Variants in IQCM observed in about 807,000 individuals in gnomAD.
IQCM encodes IQ motif containing M, also known as IQ domain-containing protein M.
A neutral mutation model predicts 57.6 loss-of-function variants in IQCM; 45 were observed. The ratio of observed to expected loss-of-function variants is 0.78; its 90% CI spans 0.62 to 1.00. The LOEUF is 1.00. Ranked by LOEUF, IQCM falls within the 50% of genes least tolerant of loss-of-function variation. IQCM has a pLI of 0.00. For synonymous variants in IQCM, 148 were observed against 158.9 expected (o/e 0.93, Z 0.51); for missense variants, 468 against 511.6 (o/e 0.91, Z 0.82).
At position 149,563,850 on chromosome 4, in the gene IQCM, T is replaced by C; in HGVS notation, c.790A>G (p.Lys264Glu). ...TPNKTDKLDS[K>E]VKRIGPHIEI... ...ATGTGTGGTCCAATTCTTTTAACTTTACTGTCAAGTTTATCAGTTTTATTT... is the reference window on the plus strand; with the variant it reads ...ATGTGTGGTCCAATTCTTTTAACTTCACTGTCAAGTTTATCAGTTTTATTT... The change falls in exon 10 of 14, where the codon AAA (lysine) becomes GAA (glutamate). Residue 264 changes from lysine to glutamate, a missense_variant. Transcript: ENST00000636793. The C allele has an allele frequency of 8.1e-7, 1 of 1,231,706 alleles. No individual in the cohort carries two copies. The highest frequency in any genetic ancestry group is 1.0e-6 in the Non-Finnish European group (1 of 987,586). 76.3% of individuals were successfully genotyped at this position (1,231,706 alleles called of 1,614,324 possible). A position where few individuals can be genotyped will look rare whatever the true frequency, so the allele number is the denominator to read the frequency against.
intron 8 of IQCM, among the ~76,000 whole-genome samples, chr4:149,601,481 G>T (rs1014307017): frequency 1.3e-5 from 2 of 152,074 alleles, no homozygotes; most frequent in African/African-American, 2.4e-5. Context: ...GTATATTTTT[G>T]ATCTGCATTT....
At chr4:149,540,100 A>G (rs1441480088) in intron 12 of IQCM, among the ~76,000 whole-genome samples, 1 of 151,872 alleles carries the variant, frequency 6.6e-6, no homozygotes, top group African/African-American at 2.4e-5. Context: ...TCAACACGAC[A>G]GGAGTCCCTA....
chr4:149,575,497 T>A (rs1008851874), intron 9 of IQCM, among the ~76,000 whole-genome samples: 1 of 151,826 alleles, frequency 6.6e-6, no homozygotes, highest in Non-Finnish European at 1.5e-5. Context: ...GTCACTTTAA[T>A]TCAGGCAAAT....
chr4:149,593,766 C>T (rs1025423971), intron 8 of IQCM, among the ~76,000 whole-genome samples: 4 of 151,926 alleles, frequency 2.6e-5, no homozygotes, highest in African/African-American at 9.7e-5. Flanking sequence ...TGTTTATTGA[C>T]TTGCATATGT....
intron 7 of IQCM, among the ~76,000 whole-genome samples, chr4:149,665,351 C>T (rs914886778): frequency 6.6e-6 from 1 of 152,162 alleles, no homozygotes; most frequent in African/African-American, 2.4e-5. Flanking sequence ...ATGAGGACCA[C>T]TGAGTGGTCT....
chr4:149,476,660 G>A (rs1198805748), intron 12 of IQCM, among the ~76,000 whole-genome samples: 1 of 152,098 alleles, frequency 6.6e-6, no homozygotes, highest in Non-Finnish European at 1.5e-5. Flanking sequence ...CAACCGAAAG[G>A]TAGAGGAGGC....
At chr4:149,810,486 G>A (rs1055594334) in intron 2 of IQCM, among the ~76,000 whole-genome samples, 1 of 151,242 alleles carries the variant, frequency 6.6e-6, no homozygotes, top group African/African-American at 2.4e-5. Flanking sequence ...GTCTTGCTCT[G>A]TCACCCAGGC....
chr4:149,674,901 T>C (rs1426616356), intron 7 of IQCM, among the ~76,000 whole-genome samples: 1 of 152,020 alleles, frequency 6.6e-6, no homozygotes, highest in African/African-American at 2.4e-5. Context: ...CTGGGCCTAC[T>C]GTAACCACCG....
intron 7 of IQCM, among the ~76,000 whole-genome samples, chr4:149,634,338 A>T (rs943929278): frequency 6.6e-6 from 1 of 152,194 alleles, no homozygotes; most frequent in Non-Finnish European, 1.5e-5. Flanking sequence ...CTGATATGCT[A>T]ACATGAATGA....
At chr4:149,585,803 C>G (rs1752597233) in intron 9 of IQCM, among the ~76,000 whole-genome samples, 1 of 151,676 alleles carries the variant, frequency 6.6e-6, no homozygotes, top group Admixed American at 6.6e-5. Flanking sequence ...CTGTTTTTTA[C>G]TTTCAGGACC....
At chr4:149,474,130 A>T (rs1404140250) in intron 12 of IQCM, among the ~76,000 whole-genome samples, 2 of 152,100 alleles carry the variant, frequency 1.3e-5, no homozygotes, top group African/African-American at 4.8e-5. Context: ...ATAATAATAA[A>T]AATAAATAAA....
intron 2 of IQCM, among the ~76,000 whole-genome samples, chr4:149,811,073 A>C (rs1236361880): frequency 6.6e-6 from 1 of 152,180 alleles, no homozygotes; most frequent in Non-Finnish European, 1.5e-5. Context: ...CAAGCCTAAA[A>C]ATTTCTAAAA....
At chr4:149,472,244 C>T (rs888375808) in intron 12 of IQCM, among the ~76,000 whole-genome samples, 8 of 152,144 alleles carry the variant, frequency 5.3e-5, no homozygotes, top group African/African-American at 1.9e-4. Context: ...CCCAAAATCT[C>T]CTTAAGCTGA....
intron 12 of IQCM, among the ~76,000 whole-genome samples, chr4:149,526,577 G>A (rs1746184671): frequency 6.6e-6 from 1 of 151,864 alleles, no homozygotes; most frequent in African/African-American, 2.4e-5. Flanking sequence ...ATTTAATCTA[G>A]ACAAATGAAA....
chr4:149,365,822 T>C (rs887529788), intron 13 of IQCM, among the ~76,000 whole-genome samples: 5 of 151,862 alleles, frequency 3.3e-5, no homozygotes, highest in Non-Finnish European at 7.4e-5. Context: ...TACAAGGAAA[T>C]AATGAGAAAC....
At chr4:149,402,824 C>T (rs1338261648) in intron 13 of IQCM, among the ~76,000 whole-genome samples, 1 of 151,666 alleles carries the variant, frequency 6.6e-6, no homozygotes, top group Non-Finnish European at 1.5e-5. Context: ...AGCAGTTTCA[C>T]AAAAAAGGTT....
intron 5 of IQCM, among the ~76,000 whole-genome samples, chr4:149,689,066 C>G (rs969116081): frequency 6.6e-6 from 1 of 151,980 alleles, no homozygotes; most frequent in Non-Finnish European, 1.5e-5. Flanking sequence ...ACCAAGAACC[C>G]AAAAGCAAAT....
chr4:149,521,188 G>C (rs1161284506), intron 12 of IQCM, among the ~76,000 whole-genome samples: 2 of 152,096 alleles, frequency 1.3e-5, no homozygotes, highest in Non-Finnish European at 2.9e-5. Context: ...AACAAGAGGT[G>C]ACAAAGAATT....
intron 13 of IQCM, among the ~76,000 whole-genome samples, chr4:149,363,368 T>A (rs1729622154): frequency 6.6e-6 from 1 of 152,152 alleles, no homozygotes; most frequent in South Asian, 2.1e-4. Context: ...AATATGGAAT[T>A]CCATGTTGCA....
Sources: gnomAD v4.1 joint callset for allele counts (sites outside exome capture counted in the v4.1 genomes callset) on GRCh38, gnomAD v4.1.1 for gene constraint, MANE v1.5 for transcripts, NCBI Gene and HGNC (gene_info 2026-07-23, HGNC 2026-07-21) for gene names.